Variants in MMP2 observed in about 807,000 individuals in gnomAD.
MMP2 encodes 72 kDa type IV collagenase.
A neutral mutation model predicts 74.8 loss-of-function variants in MMP2; 39 were observed. The ratio of observed to expected loss-of-function variants is 0.52; its 90% CI spans 0.40 to 0.68. The LOEUF (loss-of-function observed/expected upper bound fraction) is 0.68, where lower values mean the gene tolerates loss of function less well. MMP2 is among the 30% of genes least tolerant of loss of function. The probability of loss-of-function intolerance (pLI) is 0.00; values close to 1 mark genes in which losing one functional copy is unlikely to be tolerated. For synonymous variants in MMP2, 367 were observed against 339.8 expected (o/e 1.08, Z -0.88); for missense variants, 803 against 878.3 (o/e 0.91, Z 1.08).
intron 2 of MMP2, among the ~76,000 whole-genome samples, 173 bp from the exon 3 acceptor site, chr16:55,483,843 C>T (rs1962169501): frequency 6.6e-6 from 1 of 152,194 alleles, no homozygotes; most frequent in Non-Finnish European, 1.5e-5. Context: ...GGCACATGCT[C>T]ACATATACAT....
chr16:55,497,019 G>A lies in MMP2; in HGVS notation c.1566G>A (p.Ala522=), dbSNP rs773977227. The change falls in exon 10 of 13, where the codon GCG becomes GCA. Residue 522 remains alanine (A), a synonymous_variant. Transcript: ENST00000219070. ...FWPELPEKID[A]VYEAPQEEKA... ...CTGAGCTCCCGGAAAAGATTGATGC[G>A]GTATACGAGGCCCCACAGGAGGAGA... 1.9e-5 allele frequency: 31 copies of A among 1,614,048 alleles called. No individual in the cohort carries two copies. The highest frequency in any genetic ancestry group is 8.0e-5 in the African/African-American group (6 of 74,914).
chr16:55,479,297 C>G lies in MMP2; in HGVS notation c.-183C>G, dbSNP rs1021551654. ...GGACCTGCGGCGGCGGCGGCGGCGG[C>G]GGGGGCTGGGGCGCGGGGGCCGGAC... is the stretch of plus-strand genomic sequence containing the variant. On this transcript the variant is annotated 5_prime_UTR_variant, in exon 1 of 13. Transcript: ENST00000219070. 38 of 547,400 alleles carry G rather than the reference C, an allele frequency of 6.9e-5. No homozygotes were observed. Among genetic ancestry groups the G allele is most frequent in the Non-Finnish European group, 9.8e-5 (37 of 377,538 alleles). 33.9% of individuals were successfully genotyped at this position (547,400 alleles called of 1,614,324 possible). A position where few individuals can be genotyped will look rare whatever the true frequency, so the allele number is the denominator to read the frequency against.
At chr16:55,501,680 A>G (rs1962670838) in intron 11 of MMP2, among the ~76,000 whole-genome samples, 1 of 152,102 alleles carries the variant, frequency 6.6e-6, no homozygotes, top group South Asian at 2.1e-4. Flanking sequence ...TTGAGGGAGA[A>G]GTCTCCTCTA....
intron 12 of MMP2, among the ~76,000 whole-genome samples, chr16:55,503,610 T>C (rs1962723981): frequency 6.6e-6 from 1 of 152,088 alleles, no homozygotes; most frequent in African/African-American, 2.4e-5. Flanking sequence ...AGATGCTAGA[T>C]TAGGAGTTAT....
At chr16:55,489,539 G>A in intron 6 of MMP2, 112 bp from the exon 7 acceptor site, 1 of 1,315,564 alleles carries the variant, frequency 7.6e-7, no homozygotes, top group Non-Finnish European at 1.1e-6. Context: ...TACAGTGCCT[G>A]GGACTGAGTC....
At chr16:55,490,665 T>C (rs982739596) in intron 7 of MMP2, among the ~76,000 whole-genome samples, 2 of 152,242 alleles carry the variant, frequency 1.3e-5, no homozygotes, top group Non-Finnish European at 2.9e-5. Flanking sequence ...CCTGTCTTTA[T>C]GTTGCTTTCA....
At chr16:55,488,966 C>T (rs2142354333) in intron 6 of MMP2, among the ~76,000 whole-genome samples, 1 of 152,290 alleles carries the variant, frequency 6.6e-6, no homozygotes, top group African/African-American at 2.4e-5. Context: ...AAATGTCAGG[C>T]CTGCTCAGGA....
rs45443098 is a variant in MMP2, at chr16:55,495,955, A to G, written c.1473-971A>G. Reference sequence around the variant, plus strand: ...CACAGATACACACACACAGACCCCCAGATGTGAAATACAAGTCTGTGTGTT... The same window carrying G: ...CACAGATACACACACACAGACCCCCGGATGTGAAATACAAGTCTGTGTGTT... On this transcript the variant is annotated intron_variant, in intron 9 of 12. Coordinates refer to ENST00000219070, the MANE Select transcript of MMP2 (RefSeq NM_004530.6). 8.0e-3 allele frequency among the ~76,000 whole-genome samples: 1,221 copies of G among 152,316 alleles called. 31 individuals carry two copies. The East Asian group carries it at 0.091, about 11-fold the overall frequency.
At position 55,498,388 on chromosome 16, in the gene MMP2, C is replaced by T. The variant is rs540892268; in HGVS notation, c.1709C>T (p.Ala570Val). Residue 570 changes from alanine (A) to valine (V), a missense_variant, in exon 11 of 13, where the codon GCC (alanine) becomes GTC (valine). By Grantham distance (64) the Ala-to-Val change is moderately conservative. Around this residue, in one of 3 missense-constraint regions of MMP2, gnomAD observed 555 missense variants for 592.0 expected, o/e 0.94. Transcript: ENST00000219070. ...GLPPDVQRVDAAFNWSKNKKT... is the reference protein window; with the variant it reads ...GLPPDVQRVDVAFNWSKNKKT... ...CCCCCTGATGTCCAGCGAGTGGATG[C>T]CGCCTTTAACTGGAGCAAAAACAAG... The T allele has an allele frequency of 3.1e-6, 5 of 1,614,216 alleles. No homozygotes were observed. The East Asian group carries it at 1.1e-4, about 36-fold the overall frequency.
Position 55,505,516 on chromosome 16 carries a change from C to T in MMP2, c.*74C>T. ...CCGGGCCTGGAGAACTAGAGAAGGA[C>T]CCGGAGGGGCCTGGCAGCCGTGCCT... On this transcript the variant is annotated 3_prime_UTR_variant, in exon 13 of 13. Transcript: ENST00000219070. 7.7e-7 allele frequency: 1 copy of T among 1,293,834 alleles called. No individual in the cohort carries two copies. Among genetic ancestry groups the T allele is most frequent in the Non-Finnish European group, 1.1e-6 (1 of 890,044 alleles). 80.1% of individuals were successfully genotyped at this position (1,293,834 alleles called of 1,614,324 possible).
chr16:55,496,631 G>T lies in MMP2; in HGVS notation c.1473-295G>T, dbSNP rs1164334039. ...ACTGTTCCAGGCACTCAGAGTTGAT[G>T]ATTTTGAGAGGCTTAGAGAGGGAAA... On this transcript the variant is annotated intron_variant, in intron 9 of 12. Transcript: ENST00000219070. 7.2e-5 allele frequency among the ~76,000 whole-genome samples: 11 copies of T among 152,308 alleles called. No homozygotes were observed. The South Asian group carries it at 2.3e-3, about 32-fold the overall frequency.
intron 1 of MMP2, chr16:55,481,820 G>T: frequency 1.3e-6 from 1 of 748,048 alleles, no homozygotes. Context: ...CTGCAAACTG[G>T]GAAATTTCCT....
intron 9 of MMP2, among the ~76,000 whole-genome samples, chr16:55,493,908 T>C (rs1184324992): frequency 2.0e-5 from 3 of 152,230 alleles, no homozygotes; most frequent in Non-Finnish European, 4.4e-5. Context: ...TTCTTCATGC[T>C]ATAGATAAAG....
At position 55,496,970 on chromosome 16, in the gene MMP2, C is replaced by T. The variant is rs780221729; in HGVS notation, c.1517C>T (p.Pro506Leu). The T allele has an allele frequency of 5.0e-6, 8 of 1,614,124 alleles. No individual in the cohort carries two copies. Among genetic ancestry groups the T allele is most frequent in the Non-Finnish European group, 6.8e-6 (8 of 1,180,040 alleles). The change falls in exon 10 of 13, where the codon CCC (proline) becomes CTC (leucine). Residue 506 changes from proline to leucine, a missense_variant. Physicochemically the swap from Pro to Leu is moderately conservative, Grantham distance 98. Around this residue, in one of 3 missense-constraint regions of MMP2, gnomAD observed 555 missense variants for 592.0 expected, o/e 0.94. Transcript: ENST00000219070. ...TVTPRDKPMG[P>L]LLVATFWPEL... ...ACGCCACGTGACAAGCCCATGGGGC[C>T]CCTGCTGGTGGCCACATTCTGGCCT... is the stretch of plus-strand genomic sequence containing the variant.
intron 5 of MMP2, among the ~76,000 whole-genome samples, chr16:55,486,365 G>GCC (rs796954683): frequency 1.6e-4 from 12 of 74,274 alleles, no homozygotes; most frequent in Admixed American, 5.0e-4. Context: ...GTGTGTGTGT[G>GCC]TGTGTGTGTG....
chr16:55,483,518 T>C lies in MMP2; in HGVS notation c.380+383T>C, dbSNP rs370837791. Among the ~76,000 whole-genome samples, 9 of 152,172 alleles carry C rather than the reference T, an allele frequency of 5.9e-5. No homozygotes were observed. In the East Asian group the frequency reaches 1.2e-3, roughly 20 times the overall value. ...TTGTTATTGTTTTTAGATGAGGTCATTGGGATGGGCAGAAGGAACGTGATG... is the reference window on the plus strand; with the variant it reads ...TTGTTATTGTTTTTAGATGAGGTCACTGGGATGGGCAGAAGGAACGTGATG... On this transcript the variant is annotated intron_variant, in intron 2 of 12. Transcript: ENST00000219070.
At chr16:55,481,818 T>A (rs1242563542) in intron 1 of MMP2, 4 of 747,214 alleles carry the variant, frequency 5.4e-6, no homozygotes, top group Non-Finnish European at 7.5e-6. Flanking sequence ...ATCTGCAAAC[T>A]GGGAAATTTC....
At chr16:55,489,611 A>G in intron 6 of MMP2, 40 bp from the exon 7 acceptor site, 1 of 1,610,744 alleles carries the variant, frequency 6.2e-7, no homozygotes. Context: ...GTAGCCTCAG[A>G]CTCTTTGCTG....
intron 8 of MMP2, among the ~76,000 whole-genome samples, chr16:55,492,704 T>C (rs1451924295): frequency 6.6e-6 from 1 of 152,080 alleles, no homozygotes; most frequent in African/African-American, 2.4e-5. Flanking sequence ...TAAGTCTTTA[T>C]ACCTCTTTGG....
Sources: gnomAD v4.1 joint callset for allele counts (sites outside exome capture counted in the v4.1 genomes callset) on GRCh38, gnomAD v4.1.1 for gene constraint, gnomAD v4.1.1 regional missense constraint, MANE v1.5 for transcripts, NCBI Gene and HGNC (gene_info 2026-07-23, HGNC 2026-07-21) for gene names.